REV1: variants seen among roughly 807,000 people sequenced by gnomAD.
REV1 encodes the protein translesion synthesis protein REV1.
A neutral mutation model predicts 137.4 loss-of-function variants in REV1; 42 were observed. The observed-to-expected ratio is 0.31, with a 90% confidence interval of 0.24 to 0.40. The LOEUF is 0.40. Ranked by LOEUF, REV1 falls within the 10% of genes least tolerant of loss-of-function variation. The probability of loss-of-function intolerance (pLI) is 1.00; values close to 1 mark genes in which losing one functional copy is unlikely to be tolerated. For missense variants in REV1, 1,282 were observed against 1,490.1 expected (o/e 0.86, Z 2.30); for synonymous variants, 524 against 519.2 (o/e 1.01, Z -0.12).
At chr2:99,417,058 T>C (rs909179012) in intron 12 of REV1, among the ~76,000 whole-genome samples, 1 of 152,112 alleles carries the variant, frequency 6.6e-6, no homozygotes, top group African/African-American at 2.4e-5. Context: ...GATTTAAAGA[T>C]GGTGTTTTGG....
At position 99,442,375 on chromosome 2, in the gene REV1, T is replaced by C. The variant is rs947818873; in HGVS notation, c.445A>G (p.Arg149Gly). The C allele has an allele frequency of 1.9e-6, 3 of 1,613,588 alleles. No individual in the cohort carries two copies. The highest frequency in any genetic ancestry group is 1.7e-5 in the Admixed American group (1 of 59,996). Residue 149 changes from arginine to glycine, a missense_variant, in exon 5 of 23, where the codon AGA becomes GGA. This residue lies in a region of REV1 where 432 missense variants were observed against 438.0 expected (regional missense o/e 0.99). Transcript: ENST00000258428. Reference sequence around the variant, plus strand: ...GGACCTGGCAGAGGATCCTCAGGTCTGCATACAGGATTAAAGCTGAGACCT... The same window carrying C: ...GGACCTGGCAGAGGATCCTCAGGTCCGCATACAGGATTAAAGCTGAGACCT... The part of the protein sequence containing the change: ...QKGLSFNPVC[R>G]PEDPLPGPSN...
chr2:99,412,222 G>T (rs1677256813), intron 13 of REV1, among the ~76,000 whole-genome samples: 1 of 116,106 alleles, frequency 8.6e-6, no homozygotes. Context: ...AACAAAGTGA[G>T]ACTCCACCCT....
rs149208233 is a variant in REV1 at position 99,438,794 on chromosome 2, T to C, written c.1020A>G (p.Pro340=). The part of the protein sequence containing the change: ...STFSKAAPSV[P]SKPSDCNFIS... ...TAAAATTGCAGTCTGAAGGTTTGGATGGCACTGAAGGTGCTGCCTTGCTAA... is the reference window on the plus strand; with the variant it reads ...TAAAATTGCAGTCTGAAGGTTTGGACGGCACTGAAGGTGCTGCCTTGCTAA... Residue 340 remains proline, a synonymous_variant, in exon 6 of 23, where the codon CCA becomes CCG. Coordinates refer to ENST00000258428, the MANE Select transcript of REV1 (RefSeq NM_016316.4). 3.4e-5 allele frequency: 55 copies of C among 1,614,278 alleles called. No homozygotes were observed. In the African/African-American group the frequency reaches 6.5e-4, roughly 19 times the overall value.
intron 10 of REV1, among the ~76,000 whole-genome samples, chr2:99,422,625 G>A (rs1426901052): frequency 6.6e-6 from 1 of 152,212 alleles, no homozygotes; most frequent in Admixed American, 6.5e-5. Context: ...GCTTCAGAGT[G>A]AAAGCTGCCC....
In REV1 at chr2:99,404,569, C is replaced by T. The variant is rs867510371; in HGVS notation, c.2920G>A (p.Val974Ile). The change falls in exon 18 of 23, where the codon GTA becomes ATA. Residue 974 changes from valine (V) to isoleucine (I), a missense_variant. Coordinates refer to ENST00000258428, the MANE Select transcript of REV1 (RefSeq NM_016316.4). ...AAAATTCCTGTATTACAGCCATTTACTGGTTCTTTCTTTTTGTCGCCATGT... is the reference window on the plus strand; with the variant it reads ...AAAATTCCTGTATTACAGCCATTTATTGGTTCTTTCTTTTTGTCGCCATGT... ...ESHGDKKKEPVNGCNTGILPQ... is the reference protein window; with the variant it reads ...ESHGDKKKEPINGCNTGILPQ... The T allele has an allele frequency of 2.5e-6, 4 of 1,613,998 alleles. No individual in the cohort carries two copies. Among genetic ancestry groups the T allele is most frequent in the African/African-American group, 1.3e-5 (1 of 74,930 alleles).
intron 12 of REV1, among the ~76,000 whole-genome samples, chr2:99,414,404 T>TC (rs999306872): frequency 5.3e-5 from 8 of 150,760 alleles, no homozygotes; most frequent in African/African-American, 2.0e-4. Context: ...CATTTTAAAG[T>TC]CCAAGCCAGA....
At chr2:99,460,114 A>G (rs748058035) in intron 3 of REV1, among the ~76,000 whole-genome samples, 41 of 151,954 alleles carry the variant, frequency 2.7e-4, no homozygotes, top group Non-Finnish European at 5.3e-4. Context: ...TTTTCACTCT[A>G]TCGCCAGGCT....
At chr2:99,471,947 C>T (rs1005358553) in intron 1 of REV1, among the ~76,000 whole-genome samples, 9 of 149,178 alleles carry the variant, frequency 6.0e-5, no homozygotes, top group Non-Finnish European at 8.9e-5. Context: ...ATTGGGCCCC[C>T]GAGCCCTGTT....
intron 3 of REV1, among the ~76,000 whole-genome samples, chr2:99,460,880 C>T (rs145445993): frequency 1.1e-3 from 167 of 152,154 alleles, no homozygotes; most frequent in African/African-American, 3.9e-3. Flanking sequence ...TTTAGAATTC[C>T]AGATTCTCAA....
chr2:99,466,470 G>C (rs1234918281), intron 1 of REV1, among the ~76,000 whole-genome samples: 2 of 151,700 alleles, frequency 1.3e-5, no homozygotes, highest in African/African-American at 4.8e-5. Flanking sequence ...TTGAACCTCT[G>C]ACCTCAGGTG....
At chr2:99,486,226 G>A (rs1362993157) in intron 1 of REV1, among the ~76,000 whole-genome samples, 2 of 152,196 alleles carry the variant, frequency 1.3e-5, no homozygotes, top group African/African-American at 4.8e-5. Flanking sequence ...GTTCCTAGAA[G>A]GTTTAAAATT....
intron 1 of REV1, among the ~76,000 whole-genome samples, chr2:99,489,431 GAGGA>G (rs964344363): frequency 1.3e-5 from 2 of 151,824 alleles, no homozygotes; most frequent in Admixed American, 6.6e-5. Flanking sequence ...GCCGGCGCAG[GAGGA>G]AGGAGTTTGC....
rs921426744 is a variant in REV1 at position 99,405,971 on chromosome 2, T to C, written c.2750A>G (p.His917Arg). 2.5e-6 allele frequency: 4 copies of C among 1,614,038 alleles called. No individual in the cohort carries two copies. The highest frequency in any genetic ancestry group is 2.2e-5 in the East Asian group (1 of 44,874). The part of the protein sequence containing the change: ...AESSGKWNGL[H>R]TPVSVQSRLN... Reference sequence around the variant, plus strand: ...TCTCGACTGCACACTGACAGGAGTATGTAGACCATTCCATTTCCCTGAAGA... The same window carrying C: ...TCTCGACTGCACACTGACAGGAGTACGTAGACCATTCCATTTCCCTGAAGA... The change falls in exon 17 of 23, where the codon CAT (histidine) becomes CGT (arginine). Residue 917 changes from histidine (H) to arginine (R), a missense_variant. Around this residue, in one of 7 missense-constraint regions of REV1, gnomAD observed 135 missense variants for 123.3 expected, o/e 1.10. Coordinates refer to ENST00000258428, the MANE Select transcript of REV1 (RefSeq NM_016316.4).
At chr2:99,403,302 T>TGA (rs1445391376) in intron 19 of REV1, 196 bp from the exon 20 acceptor site, 11 of 596,628 alleles carry the variant, frequency 1.8e-5, no homozygotes, top group Admixed American at 3.2e-5. Flanking sequence ...CTTTGCCACT[T>TGA]ACTAATTTGA....
chr2:99,431,944 T>C, intron 8 of REV1: 1 of 964,318 alleles, frequency 1.0e-6, no homozygotes, highest in Non-Finnish European at 1.2e-6. Flanking sequence ...CCCAAGTCTG[T>C]GAAAAAGAAA....
At chr2:99,471,885 C>T (rs1399124817) in intron 1 of REV1, among the ~76,000 whole-genome samples, 1 of 117,052 alleles carries the variant, frequency 8.5e-6, no homozygotes, top group East Asian at 2.9e-4. Context: ...AGGATAGCTA[C>T]TATTAAAAAA....
intron 1 of REV1, among the ~76,000 whole-genome samples, chr2:99,477,264 G>A (rs1686085229): frequency 6.6e-6 from 1 of 152,190 alleles, no homozygotes; most frequent in Non-Finnish European, 1.5e-5. Context: ...GGCCAAGGAG[G>A]TATGAGCAGA....
rs1201227316 is a variant in REV1 at position 99,489,970 on chromosome 2, T to G, written c.-164A>C. 6.7e-6 allele frequency: 1 copy of G among 148,474 alleles called. No individual in the cohort carries two copies. Among genetic ancestry groups the G allele is most frequent in the Non-Finnish European group, 1.5e-5 (1 of 67,000 alleles). The allele number at this position is 148,474 out of a possible 1,614,324, so 9.2% of individuals were successfully genotyped here. ...CGCTGAGCAGCGCCGCGGTCCACGC[T>G]CCCCCACGCTCGCGGCAACCAACCC... is the stretch of plus-strand genomic sequence containing the variant. On this transcript the variant is annotated 5_prime_UTR_variant, in exon 1 of 23. Transcript: ENST00000258428.
Position 99,402,304 on chromosome 2 carries a change from G to C in REV1, c.3584C>G (p.Thr1195Ser). The C allele has an allele frequency of 6.5e-7, 1 of 1,536,710 alleles. No homozygotes were observed. The highest frequency in any genetic ancestry group is 8.9e-7 in the Non-Finnish European group (1 of 1,120,858). ...EDILQVVKYC[T>S]DLIEEKDLEK... ...CAAATCTTTTTCTTCTATTAGATCA[G>C]TACAGTATTTCACAACTTGGAGAAT... Residue 1195 changes from threonine (T) to serine (S), a missense_variant, in exon 22 of 23, where the codon ACT becomes AGT. This residue lies in a region of REV1 where 43 missense variants were observed against 79.1 expected (regional missense o/e 0.54). Transcript: ENST00000258428.
Sources: gnomAD v4.1 joint callset for allele counts (sites outside exome capture counted in the v4.1 genomes callset) on GRCh38, gnomAD v4.1.1 for gene constraint, gnomAD v4.1.1 regional missense constraint, MANE v1.5 for transcripts, NCBI Gene and HGNC (gene_info 2026-07-23, HGNC 2026-07-21) for gene names.